MBD5: variants seen among roughly 807,000 people sequenced by gnomAD.
MBD5 encodes the protein methyl-CpG-binding domain protein 5.
In MBD5, 13 loss-of-function variants were observed where a neutral mutation model predicts 117.3. The observed-to-expected ratio is 0.11, with a 90% confidence interval of 0.07 to 0.18. MBD5 has a LOEUF of 0.18. MBD5 is among the 10% of genes least tolerant of loss of function. MBD5 has a pLI of 1.00. For missense variants in MBD5, 1,879 were observed against 2,093.8 expected (o/e 0.90, Z 2.00); for synonymous variants, 727 against 766.4 (o/e 0.95, Z 0.85).
chr2:148,322,770 C>G (rs1362417959), intron 3 of MBD5, among the ~76,000 whole-genome samples: 1 of 151,882 alleles, frequency 6.6e-6, no homozygotes, highest in Non-Finnish European at 1.5e-5. Flanking sequence ...TTTAGTGAGT[C>G]AAAAGTTATA....
intron 1 of MBD5, among the ~76,000 whole-genome samples, chr2:148,156,350 C>T (rs1180912716): frequency 1.3e-5 from 2 of 152,188 alleles, no homozygotes; most frequent in Non-Finnish European, 2.9e-5. Flanking sequence ...CAGGAAAGAA[C>T]TGCTTATAAC....
At chr2:148,457,435 A>G (rs1195657583) in intron 4 of MBD5, among the ~76,000 whole-genome samples, 1 of 152,150 alleles carries the variant, frequency 6.6e-6, no homozygotes, top group African/African-American at 2.4e-5. Flanking sequence ...ACAAGATTGG[A>G]TACTAAATCT....
chr2:148,196,168 C>A (rs1324459188), intron 2 of MBD5: 1 of 151,934 alleles, frequency 6.6e-6, no homozygotes, highest in African/African-American at 2.4e-5. Context: ...TTGTTTTTTT[C>A]CTTAATTTGC....
chr2:148,376,859 CAT>C (rs1324750153), intron 4 of MBD5, among the ~76,000 whole-genome samples: 4 of 134,196 alleles, frequency 3.0e-5, no homozygotes, highest in South Asian at 2.3e-4. Context: ...ATATTATAAT[CAT>C]ATATATAATT....
At chr2:148,470,519 A>T (rs748126914) in intron 8 of MBD5, 58 bp downstream of exon 8, 2 of 1,326,258 alleles carry the variant, frequency 1.5e-6, no homozygotes, top group Admixed American at 2.4e-5. Context: ...CTTTTTTAAA[A>T]AATTTGTACC....
intron 3 of MBD5, among the ~76,000 whole-genome samples, chr2:148,318,320 T>A (rs1245423969): frequency 3.3e-5 from 5 of 152,066 alleles, no homozygotes; most frequent in Non-Finnish European, 7.4e-5. Context: ...ATTATTTTTC[T>A]TGTGAGTTGT....
chr2:148,114,391 T>C (rs911624114), intron 1 of MBD5, among the ~76,000 whole-genome samples: 8 of 151,930 alleles, frequency 5.3e-5, no homozygotes, highest in Non-Finnish European at 1.0e-4. Flanking sequence ...AATCACTTGA[T>C]CCTGGGAGGC....
chr2:148,214,344 A>G (rs1294913554), intron 2 of MBD5, among the ~76,000 whole-genome samples: 1 of 152,174 alleles, frequency 6.6e-6, no homozygotes, highest in Non-Finnish European at 1.5e-5. Flanking sequence ...TTTGAATTTT[A>G]TGTAACTTTT....
Position 148,445,245 on chromosome 2 carries a change from T to C in MBD5, c.-556-12958T>C, listed in dbSNP as rs1479940920. On this transcript the variant is annotated intron_variant, in intron 4 of 13. Transcript: ENST00000642680. ...TTGGTGTGCTGCACCCATTAACTCG[T>C]CATTTACATTAGGTGTATCTCCTAA... 4.0e-5 allele frequency among the ~76,000 whole-genome samples: 6 copies of C among 151,296 alleles called. 1 individual carries two copies. Among genetic ancestry groups the C allele is most frequent in the South Asian group, 2.1e-4 (1 of 4,812 alleles).
rs905502617 is a variant in MBD5 at position 148,275,769 on chromosome 2, C to CT, written c.-680+42385dup. Reference sequence around the variant, plus strand: ...GTTAACCATCACAGCCTGGAAATCACTTTTTTTTTTTGGCTCATTTTTCTT... The same window carrying CT: ...GTTAACCATCACAGCCTGGAAATCACTTTTTTTTTTTTGGCTCATTTTTCTT... On this transcript the variant is annotated intron_variant, in intron 3 of 13. Coordinates refer to ENST00000642680, the MANE Select transcript of MBD5 (RefSeq NM_001378120.1). Among the ~76,000 whole-genome samples, 486 of 145,014 alleles carry CT rather than the reference C, an allele frequency of 3.4e-3. 1 individual carries two copies. Among genetic ancestry groups the CT allele is most frequent in the African/African-American group, 9.6e-3 (379 of 39,480 alleles).
chr2:148,075,286 G>T (rs1350687688), intron 1 of MBD5, among the ~76,000 whole-genome samples: 6 of 152,136 alleles, frequency 3.9e-5, no homozygotes, highest in African/African-American at 1.4e-4. Flanking sequence ...ATAATCAGAG[G>T]CAAAGGTAAA....
chr2:148,199,931 C>G (rs1699095928), intron 2 of MBD5, among the ~76,000 whole-genome samples: 1 of 152,116 alleles, frequency 6.6e-6, no homozygotes, highest in Non-Finnish European at 1.5e-5. Flanking sequence ...ACTACTACAT[C>G]ATGCCATCCA....
chr2:148,382,162 GC>G, intron 4 of MBD5, among the ~76,000 whole-genome samples: 1 of 109,456 alleles, frequency 9.1e-6, no homozygotes, highest in Non-Finnish European at 1.9e-5. Context: ...ACACAGACTG[GC>G]AAATTGGATA....
At chr2:148,397,107 T>C (rs1393815306) in intron 4 of MBD5, among the ~76,000 whole-genome samples, 1 of 152,160 alleles carries the variant, frequency 6.6e-6, no homozygotes, top group Non-Finnish European at 1.5e-5. Flanking sequence ...ACCTTTTCTC[T>C]CTTTTCACTC....
intron 4 of MBD5, among the ~76,000 whole-genome samples, chr2:148,352,643 C>G (rs1203425475): frequency 2.0e-5 from 3 of 151,908 alleles, no homozygotes; most frequent in African/African-American, 7.3e-5. Context: ...TGGGGATTGA[C>G]TATTTTCACT....
chr2:148,071,912 A>G (rs912497691), intron 1 of MBD5: 1 of 152,232 alleles, frequency 6.6e-6, no homozygotes, highest in South Asian at 2.1e-4. Context: ...TTTTTAAAAA[A>G]TGTTCATTGT....
chr2:148,205,227 C>G (rs1376079676), intron 2 of MBD5, among the ~76,000 whole-genome samples: 1 of 151,802 alleles, frequency 6.6e-6, no homozygotes, highest in Non-Finnish European at 1.5e-5. Flanking sequence ...ACAGGCACCC[C>G]CCACCACACC....
intron 5 of MBD5, among the ~76,000 whole-genome samples, chr2:148,461,419 C>A (rs2105559821): frequency 6.6e-6 from 1 of 152,226 alleles, no homozygotes; most frequent in East Asian, 1.9e-4. Flanking sequence ...AAATTACTTT[C>A]ATAAGTGTCC....
At chr2:148,201,607 G>A (rs1042958672) in intron 2 of MBD5, among the ~76,000 whole-genome samples, 2 of 152,158 alleles carry the variant, frequency 1.3e-5, no homozygotes, top group Non-Finnish European at 2.9e-5. Flanking sequence ...CTGTGTACCC[G>A]CGTTCAGTCG....
Sources: gnomAD v4.1 joint callset for allele counts (sites outside exome capture counted in the v4.1 genomes callset) on GRCh38, gnomAD v4.1.1 for gene constraint, MANE v1.5 for transcripts, NCBI Gene and HGNC (gene_info 2026-07-23, HGNC 2026-07-21) for gene names.